NRG2: variants seen among roughly 807,000 people sequenced by gnomAD.
The protein encoded by NRG2 is neuregulin 2.
In NRG2, 27 loss-of-function variants were observed where a neutral mutation model predicts 73.9. The ratio of observed to expected loss-of-function variants is 0.37; its 90% CI spans 0.27 to 0.50. The LOEUF is 0.50. NRG2 is among the 20% of genes least tolerant of loss of function. NRG2 has a pLI of 0.96. For missense variants in NRG2, 1,126 were observed against 1,210.1 expected (o/e 0.93, Z 1.03); for synonymous variants, 532 against 541.0 (o/e 0.98, Z 0.23).
rs1455148727 is a variant in NRG2, at chr5:139,856,164, G to A, written c.1190-386C>T. On this transcript the variant is annotated intron_variant, in intron 5 of 9. Coordinates refer to ENST00000361474, the MANE Select transcript of NRG2 (RefSeq NM_004883.3). This position sits in a 1 kb window ranked among gnomAD's most constrained non-coding sequence, Gnocchi z 4.2. Reference sequence around the variant, plus strand: ...CGGTGACCCTGCCCTGCTCCACAGTGGCCTGGTAGCTGCAAAGAACCTTGG... The same window carrying A: ...CGGTGACCCTGCCCTGCTCCACAGTAGCCTGGTAGCTGCAAAGAACCTTGG... The A allele has an allele frequency of 4.4e-5, 10 of 226,246 alleles. No individual in the cohort carries two copies. The highest frequency in any genetic ancestry group is 3.3e-4 in the Admixed American group (7 of 21,120). The allele number at this position is 226,246 out of a possible 1,614,324, so 14.0% of individuals were successfully genotyped here. A position where few individuals can be genotyped will look rare whatever the true frequency, so the allele number is the denominator to read the frequency against.
intron 1 of NRG2, among the ~76,000 whole-genome samples, chr5:139,934,192 CAATAA>C (rs1363117167): frequency 6.6e-6 from 1 of 151,926 alleles, no homozygotes; most frequent in Non-Finnish European, 1.5e-5. Context: ...GACTCTGTCT[CAATAA>C]AATAAAATAA....
chr5:139,853,935 G>C lies in NRG2; in HGVS notation c.1293-908C>G, dbSNP rs958047701. Among the ~76,000 whole-genome samples the C allele has an allele frequency of 6.6e-6, 1 of 152,126 alleles. No homozygotes were observed. The highest frequency in any genetic ancestry group is 2.4e-5 in the African/African-American group (1 of 41,412). On this transcript the variant is annotated intron_variant, in intron 6 of 9. Transcript: ENST00000361474. This position sits in a 1 kb window ranked among gnomAD's most constrained non-coding sequence, Gnocchi z 4.1. ...ATAACTGGATTGCTTGTAACACAAA[G>C]GTCCACGAGGACCCATCAGTTTGCT...
At chr5:139,991,765 T>C (rs1356505440) in intron 1 of NRG2, among the ~76,000 whole-genome samples, 2 of 152,186 alleles carry the variant, frequency 1.3e-5, no homozygotes, top group Non-Finnish European at 2.9e-5. Flanking sequence ...CCAGTTTCGC[T>C]TTTTTGCATA....
At chr5:140,016,747 G>A (rs1759814274) in intron 1 of NRG2, among the ~76,000 whole-genome samples, 1 of 152,218 alleles carries the variant, frequency 6.6e-6, no homozygotes, top group South Asian at 2.1e-4. Flanking sequence ...AGCTCGGAAG[G>A]GCAGAGAGCA....
chr5:139,865,674 C>T lies in NRG2; in HGVS notation c.1113-49G>A, dbSNP rs374316858. 8.6e-6 allele frequency: 13 copies of T among 1,504,970 alleles called. No homozygotes were observed. Among genetic ancestry groups the T allele is most frequent in the South Asian group, 1.2e-5 (1 of 85,824 alleles). 93.2% of individuals were successfully genotyped at this position (1,504,970 alleles called of 1,614,324 possible). A position where few individuals can be genotyped will look rare whatever the true frequency, so the allele number is the denominator to read the frequency against. ...TCACAGAACAAACTGGCATCATCCG[C>T]GAGGCTAAGGTTAGAAATCAAAGTG... On this transcript the variant is annotated intron_variant, in intron 4 of 9. Coordinates refer to ENST00000361474, the MANE Select transcript of NRG2 (RefSeq NM_004883.3). This position sits in a 1 kb window ranked among gnomAD's most constrained non-coding sequence, Gnocchi z 5.2.
chr5:139,991,686 T>A (rs1757642434), intron 1 of NRG2, among the ~76,000 whole-genome samples: 1 of 152,154 alleles, frequency 6.6e-6, no homozygotes, highest in South Asian at 2.1e-4. Context: ...CGTGAGCCAC[T>A]GGGCTGACCT....
At chr5:139,927,294 G>A (rs1752129831) in intron 1 of NRG2, among the ~76,000 whole-genome samples, 1 of 151,946 alleles carries the variant, frequency 6.6e-6, no homozygotes, top group Non-Finnish European at 1.5e-5. Context: ...TCCCTGCTGT[G>A]CTTATTCTTG....
In NRG2 at chr5:139,851,768, C is replaced by G. The variant is rs776763675; in HGVS notation, c.1608G>C (p.Gly536=). Residue 536 remains glycine, a synonymous_variant, in exon 9 of 10, where the codon GGG becomes GGC. Transcript: ENST00000361474. The surrounding 1 kb of genome is among the most constrained non-coding windows in gnomAD (Gnocchi z 4.2). The part of the protein sequence containing the change: ...SESLTSDSQS[G]IMLSSVGTSK... Reference sequence around the variant, plus strand: ...TGGTACCCACTGATGATAGCATGATCCCCGACTGGGAGTCAGAAGTCAGGC... The same window carrying G: ...TGGTACCCACTGATGATAGCATGATGCCCGACTGGGAGTCAGAAGTCAGGC... 1 of 1,614,132 alleles carries G rather than the reference C, an allele frequency of 6.2e-7. No homozygotes were observed. The highest frequency in any genetic ancestry group is 1.3e-5 in the African/African-American group (1 of 74,952).
At chr5:139,991,608 G>A (rs1757636813) in intron 1 of NRG2, among the ~76,000 whole-genome samples, 1 of 152,054 alleles carries the variant, frequency 6.6e-6, no homozygotes, top group Non-Finnish European at 1.5e-5. Flanking sequence ...TTTTGGCCAG[G>A]CTAGTCTCAA....
chr5:139,967,123 A>G (rs977575882), intron 1 of NRG2, among the ~76,000 whole-genome samples: 1 of 152,196 alleles, frequency 6.6e-6, no homozygotes, highest in Non-Finnish European at 1.5e-5. Flanking sequence ...CCACGGGGAT[A>G]GGGTCAACGG....
intron 1 of NRG2, among the ~76,000 whole-genome samples, chr5:139,986,293 G>A (rs1373981035): frequency 6.6e-6 from 1 of 152,182 alleles, no homozygotes; most frequent in Non-Finnish European, 1.5e-5. Flanking sequence ...TGTGTCAGGC[G>A]TGGCCCCTGG....
Position 139,954,594 on chromosome 5 carries a change from G to A in NRG2, c.701-67083C>T, listed in dbSNP as rs73791256. 0.012 allele frequency among the ~76,000 whole-genome samples: 1,847 copies of A among 152,262 alleles called. 30 individuals carry two copies. Among genetic ancestry groups the A allele is most frequent in the African/African-American group, 0.042 (1,733 of 41,548 alleles). ...AGGTTCTCTGTGATTTAGCAACCCT[G>A]GACGTCATCAATCCTCACTCCCATG... On this transcript the variant is annotated intron_variant, in intron 1 of 9. Transcript: ENST00000361474. This position sits in a 1 kb window ranked among gnomAD's most constrained non-coding sequence, Gnocchi z 5.0.
chr5:140,032,014 AC>A (rs1034003311), intron 1 of NRG2, among the ~76,000 whole-genome samples: 1 of 152,200 alleles, frequency 6.6e-6, no homozygotes, highest in Non-Finnish European at 1.5e-5. Flanking sequence ...CCCTTTCAAA[AC>A]AAAAACCAGT....
At chr5:140,038,842 C>T (rs138924250) in intron 1 of NRG2, among the ~76,000 whole-genome samples, 17 of 152,350 alleles carry the variant, frequency 1.1e-4, no homozygotes, top group African/African-American at 3.8e-4. Flanking sequence ...TTGTCCTCAT[C>T]ACTAGGACTG....
rs772977721 is a variant in NRG2 at position 139,915,308 on chromosome 5, G to A, written c.701-27797C>T. 7.9e-5 allele frequency among the ~76,000 whole-genome samples: 12 copies of A among 152,178 alleles called. No individual in the cohort carries two copies. Among genetic ancestry groups the A allele is most frequent in the South Asian group, 2.1e-4 (1 of 4,830 alleles). The stretch of plus-strand genomic sequence containing the variant: ...TTTCCTACTGAGATGGGGTGATTTC[G>A]TGGACACAGTACAGAGGACAATGGG... On this transcript the variant is annotated intron_variant, in intron 1 of 9. Transcript: ENST00000361474. The surrounding 1 kb of genome is among the most constrained non-coding windows in gnomAD (Gnocchi z 4.0).
In NRG2 at chr5:139,851,624, G is replaced by A. The variant is rs780957553; in HGVS notation, c.1752C>T (p.Arg584=). Residue 584 remains arginine (R), a synonymous_variant, in exon 9 of 10, where the codon CGC becomes CGT. Transcript: ENST00000361474. The surrounding 1 kb of genome is among the most constrained non-coding windows in gnomAD (Gnocchi z 4.2). ...CTGACCTCTCGCTGTGTGGGGAGTC[G>A]CGAAGGGAGTCCACGGAATCGTGAT... ...PPYHDSVDSL[R]DSPHSERYVS... is the part of the protein sequence containing the mutation. 5.1e-5 allele frequency: 82 copies of A among 1,613,874 alleles called. 1 individual carries two copies. The highest frequency in any genetic ancestry group is 8.3e-5 in the Admixed American group (5 of 60,010).
chr5:139,973,922 G>A lies in NRG2; in HGVS notation c.700+68448C>T, dbSNP rs148775568. Among the ~76,000 whole-genome samples, 6 of 152,298 alleles carry A rather than the reference G, an allele frequency of 3.9e-5. No homozygotes were observed. The East Asian group carries it at 1.2e-3, about 29-fold the overall frequency. On this transcript the variant is annotated intron_variant, in intron 1 of 9. Coordinates refer to ENST00000361474, the MANE Select transcript of NRG2 (RefSeq NM_004883.3). Reference sequence around the variant, plus strand: ...AAAAGAGTTTTTCTACACAGTGACAGTTCTGGAAGAATTTACTCCAGAATC... The same window carrying A: ...AAAAGAGTTTTTCTACACAGTGACAATTCTGGAAGAATTTACTCCAGAATC...
At chr5:139,855,923 A>G (rs1361958312) in intron 5 of NRG2, 145 bp from the exon 6 acceptor site, 1 of 644,420 alleles carries the variant, frequency 1.6e-6, no homozygotes. Flanking sequence ...TTCTCCAGCC[A>G]GTTCCTTCCC....
At chr5:139,946,562 G>A (rs7700260) in intron 1 of NRG2, among the ~76,000 whole-genome samples, 31,278 of 151,962 alleles carry the variant, frequency 0.21, 3,950 homozygotes, top group African/African-American at 0.36. Context: ...GGATTGGGCA[G>A]TGATTTGTTG....
Sources: gnomAD v4.1 joint callset for allele counts (sites outside exome capture counted in the v4.1 genomes callset) on GRCh38, gnomAD v4.1.1 for gene constraint, Gnocchi (gnomAD v3.1) non-coding constraint, MANE v1.5 for transcripts, NCBI Gene and HGNC (gene_info 2026-07-23, HGNC 2026-07-21) for gene names.